The following CCDC82 variants were observed in gnomAD, a reference collection of about 807,000 sequenced individuals.
The protein encoded by CCDC82 is coiled-coil domain containing 82, also known as coiled-coil domain-containing protein 82.
In CCDC82, 47 loss-of-function variants were observed where a neutral mutation model predicts 60.6. The observed-to-expected ratio is 0.77, with a 90% CI of 0.61 to 0.99. The LOEUF (loss-of-function observed/expected upper bound fraction) is 0.99, where lower values mean the gene tolerates loss of function less well. CCDC82 is among the 50% of genes least tolerant of loss of function. The pLI is 0.00. For synonymous variants in CCDC82, 212 were observed against 207.4 expected (o/e 1.02, Z -0.19); for missense variants, 588 against 633.0 (o/e 0.93, Z 0.76).
At chr11:96,380,268 G>A (rs1278929237) in intron 5 of CCDC82, among the ~76,000 whole-genome samples, 3 of 151,654 alleles carry the variant, frequency 2.0e-5, no homozygotes, top group African/African-American at 7.2e-5. Context: ...ACTCAAAGGA[G>A]GAAAGGCATG....
At chr11:96,354,618 T>C (rs1360210576) in intron 9 of CCDC82, 1 of 152,100 alleles carries the variant, frequency 6.6e-6, no homozygotes, top group Non-Finnish European at 1.5e-5. Context: ...ATCTGAGTCA[T>C]GGCAATGAAG....
chr11:96,370,126 C>T (rs745608281), intron 7 of CCDC82, among the ~76,000 whole-genome samples: 4 of 152,164 alleles, frequency 2.6e-5, no homozygotes, highest in African/African-American at 4.8e-5. Context: ...TAATCTATGG[C>T]TAATTTATCA....
intron 8 of CCDC82, among the ~76,000 whole-genome samples, chr11:96,359,938 T>G (rs907462938): frequency 3.3e-5 from 5 of 151,288 alleles, no homozygotes; most frequent in African/African-American, 1.2e-4. Flanking sequence ...CTATAAGAAT[T>G]TTAATTCCTA....
intron 8 of CCDC82, among the ~76,000 whole-genome samples, chr11:96,361,128 G>A (rs933322915): frequency 6.6e-6 from 1 of 152,170 alleles, no homozygotes; most frequent in Non-Finnish European, 1.5e-5. Flanking sequence ...AAAAGTTGCC[G>A]TGACTATAAG....
At chr11:96,358,890 A>G in intron 9 of CCDC82, 103 bp downstream of exon 9, 1 of 1,098,700 alleles carries the variant, frequency 9.1e-7, no homozygotes, top group Non-Finnish European at 1.3e-6. Flanking sequence ...CAGAAGAAAG[A>G]GATTCTCTTA....
chr11:96,374,345 A>G (rs1299586100), intron 5 of CCDC82, among the ~76,000 whole-genome samples: 1 of 152,180 alleles, frequency 6.6e-6, no homozygotes, highest in Non-Finnish European at 1.5e-5. Context: ...ACTTGAAGTA[A>G]AAAGAAAGAT....
intron 8 of CCDC82, chr11:96,364,673 T>C (rs995781608): frequency 1.0e-5 from 2 of 195,082 alleles, no homozygotes; most frequent in East Asian, 2.8e-4. Flanking sequence ...TGCTATGCTC[T>C]TGTCTAAAAA....
intron 8 of CCDC82, among the ~76,000 whole-genome samples, chr11:96,361,927 A>T (rs1471097159): frequency 6.6e-6 from 1 of 152,252 alleles, no homozygotes; most frequent in Non-Finnish European, 1.5e-5. Context: ...CAAATAAAGA[A>T]GATGACACAT....
intron 3 of CCDC82, 143 bp from the exon 4 acceptor site, chr11:96,384,904 A>G: frequency 1.8e-6 from 1 of 542,298 alleles, no homozygotes; most frequent in South Asian, 3.1e-5. Flanking sequence ...TGAAGATGGT[A>G]GAACATTAAT....
In CCDC82 at chr11:96,371,033, G is replaced by T. The variant is rs758564028; in HGVS notation, c.1189C>A (p.Arg397Ser). The part of the protein sequence containing the change: ...PRLESLVSRS[R>S]WKEQYKERVE... Reference sequence around the variant, plus strand: ...TGTACCTTATATTGCTCTTTCCAACGACTTCTAGATACCAAGCTCTCTAGA... The same window carrying T: ...TGTACCTTATATTGCTCTTTCCAACTACTTCTAGATACCAAGCTCTCTAGA... The change falls in exon 7 of 10, where the codon CGT (arginine) becomes AGT (serine). Residue 397 changes from arginine (R) to serine (S), a missense_variant. Transcript: ENST00000646818. 1 of 1,594,154 alleles carries T rather than the reference G, an allele frequency of 6.3e-7. No homozygotes were observed. Among genetic ancestry groups the T allele is most frequent in the South Asian group, 1.2e-5 (1 of 86,136 alleles).
chr11:96,378,804 A>G (rs1249761981), intron 5 of CCDC82, among the ~76,000 whole-genome samples: 2 of 151,946 alleles, frequency 1.3e-5, no homozygotes, highest in African/African-American at 4.8e-5. Context: ...ACTCCCTACC[A>G]TATCTTTTCC....
At chr11:96,380,194 T>C (rs886514149) in intron 5 of CCDC82, among the ~76,000 whole-genome samples, 5 of 151,700 alleles carry the variant, frequency 3.3e-5, no homozygotes, top group Admixed American at 2.6e-4. Context: ...CAGTGCTTTG[T>C]AGAGTTACTG....
At chr11:96,357,611 T>C (rs1174000201) in intron 9 of CCDC82, 3 of 981,390 alleles carry the variant, frequency 3.1e-6, no homozygotes, top group Non-Finnish European at 3.6e-6. Flanking sequence ...TCCCCATATA[T>C]GATACTATTA....
At chr11:96,365,405 T>G (rs779153235) in intron 7 of CCDC82, among the ~76,000 whole-genome samples, 8 of 152,168 alleles carry the variant, frequency 5.3e-5, no homozygotes, top group African/African-American at 1.9e-4. Flanking sequence ...TCTCTTACAC[T>G]TCTGCGGTTG....
chr11:96,366,735 T>C (rs755511733), intron 7 of CCDC82, among the ~76,000 whole-genome samples: 2 of 152,150 alleles, frequency 1.3e-5, no homozygotes, highest in Non-Finnish European at 1.5e-5. Flanking sequence ...CCTCCAAAAA[T>C]AGTGTCTTCC....
At chr11:96,387,464 A>G (rs965239157) in intron 2 of CCDC82, 66 bp downstream of exon 2, 1 of 152,226 alleles carries the variant, frequency 6.6e-6, no homozygotes, top group Admixed American at 6.5e-5. Flanking sequence ...CAATGATCCT[A>G]GAAGGAAGAT....
chr11:96,353,633 T>G lies in CCDC82; in HGVS notation c.*13A>C. On this transcript the variant is annotated 3_prime_UTR_variant, in exon 10 of 10. Transcript: ENST00000646818. Reference sequence around the variant, plus strand: ...TTACAGGAATTTAAAAAATCTTCTCTGATGGAAATGTGTTACAACTCAAAC... The same window carrying G: ...TTACAGGAATTTAAAAAATCTTCTCGGATGGAAATGTGTTACAACTCAAAC... 6.3e-7 allele frequency: 1 copy of G among 1,584,978 alleles called. No homozygotes were observed. The highest frequency in any genetic ancestry group is 8.6e-7 in the Non-Finnish European group (1 of 1,156,118).
chr11:96,357,274 T>A (rs1565298103), intron 9 of CCDC82: 2 of 985,412 alleles, frequency 2.0e-6, no homozygotes, highest in Non-Finnish European at 2.4e-6. Flanking sequence ...AGGAACAAAT[T>A]TTTTAAGTGG....
rs976775176 is a variant in CCDC82 at position 96,377,771 on chromosome 11, T to C, written c.992-4304A>G. Among the ~76,000 whole-genome samples the C allele has an allele frequency of 5.3e-5, 8 of 152,268 alleles. No homozygotes were observed. In the South Asian group the frequency reaches 6.2e-4, roughly 12 times the overall value. ...TGATTAGGGATCTTTTTCTTTATTC[T>C]TGTAATTACATAAACAGTTCATACA... On this transcript the variant is annotated intron_variant, in intron 5 of 9. Coordinates refer to ENST00000646818, the MANE Select transcript of CCDC82 (RefSeq NM_024725.4).
Sources: gnomAD v4.1 joint callset for allele counts (sites outside exome capture counted in the v4.1 genomes callset) on GRCh38, gnomAD v4.1.1 for gene constraint, MANE v1.5 for transcripts, NCBI Gene and HGNC (gene_info 2026-07-23, HGNC 2026-07-21) for gene names.